MYRFL: variants seen among roughly 807,000 people sequenced by gnomAD.
MYRFL encodes the protein myelin regulatory factor-like protein.
MYRFL carries 88 observed loss-of-function variants against 109.4 expected under a neutral mutation model. The observed-to-expected ratio is 0.80, with a 90% confidence interval of 0.68 to 0.96. The LOEUF (loss-of-function observed/expected upper bound fraction) is 0.96, where lower values mean the gene tolerates loss of function less well. Among genes scored for constraint, MYRFL ranks in the 40% least tolerant of loss-of-function variants. The pLI, the probability that MYRFL is intolerant of heterozygous loss-of-function variation, is 0.00. For synonymous variants in MYRFL, 324 were observed against 320.9 expected (o/e 1.01, Z -0.10); for missense variants, 957 against 954.9 (o/e 1.00, Z -0.03).
intron 7 of MYRFL, 65 bp from the exon 8 acceptor site, chr12:69,893,699 C>A: frequency 9.5e-7 from 1 of 1,053,518 alleles, no homozygotes. Context: ...AGTACTTGAA[C>A]ATTCTTTGCT....
chr12:69,833,782 A>T (rs999214929), intron 1 of MYRFL, among the ~76,000 whole-genome samples: 3 of 147,870 alleles, frequency 2.0e-5, no homozygotes, highest in African/African-American at 7.4e-5. Flanking sequence ...ATCTATAGAG[A>T]TAGTTGTAGA....
At chr12:69,924,112 C>G (rs553083819) in intron 13 of MYRFL, among the ~76,000 whole-genome samples, 34 of 149,744 alleles carry the variant, frequency 2.3e-4, no homozygotes, top group Admixed American at 1.8e-3. Flanking sequence ...TGGTGTGAAC[C>G]CGGGAGGCAG....
chr12:69,884,081 T>C (rs1886303234), intron 5 of MYRFL, among the ~76,000 whole-genome samples: 1 of 152,182 alleles, frequency 6.6e-6, no homozygotes, highest in Non-Finnish European at 1.5e-5. Flanking sequence ...CTAGATCATT[T>C]TGTAAAGTAT....
At chr12:69,932,743 A>G (rs1443609497) in intron 16 of MYRFL, 145 bp downstream of exon 16, 1 of 614,298 alleles carries the variant, frequency 1.6e-6, no homozygotes, top group East Asian at 2.8e-5. Context: ...ATAGCATAGA[A>G]ATGAGGGAAC....
chr12:69,864,330 T>TG (rs1884879439), intron 2 of MYRFL, among the ~76,000 whole-genome samples: 1 of 151,344 alleles, frequency 6.6e-6, no homozygotes, highest in Non-Finnish European at 1.5e-5. Flanking sequence ...GCTCAGTTCA[T>TG]TTTTTTTTCA....
chr12:69,864,644 CACACACACACACACACACACACACAA>C (rs1375549152), intron 2 of MYRFL, among the ~76,000 whole-genome samples: 85 of 6,528 alleles, frequency 0.013, no homozygotes, highest in South Asian at 0.076. Flanking sequence ...GTTACACACA[CACACACACACACACACACACACACAA>C]ACACACACAC....
chr12:69,846,466 G>A (rs985681688), intron 1 of MYRFL, among the ~76,000 whole-genome samples: 7 of 151,540 alleles, frequency 4.6e-5, no homozygotes, highest in East Asian at 3.9e-4. Flanking sequence ...TTGTTCTTGC[G>A]ATAGTTCACT....
At chr12:69,859,759 G>A (rs1884521590) in intron 2 of MYRFL, among the ~76,000 whole-genome samples, 1 of 152,122 alleles carries the variant, frequency 6.6e-6, no homozygotes, top group Admixed American at 6.5e-5. Flanking sequence ...TCATTAAAAA[G>A]TCAGGAAACA....
intron 2 of MYRFL, among the ~76,000 whole-genome samples, chr12:69,876,904 T>G (rs1375593279): frequency 2.0e-5 from 3 of 152,158 alleles, no homozygotes; most frequent in African/African-American, 7.2e-5. Context: ...TACCACAGTT[T>G]CCCTGGGACC....
chr12:69,869,609 T>C (rs189189461), intron 2 of MYRFL, among the ~76,000 whole-genome samples: 4 of 152,354 alleles, frequency 2.6e-5, no homozygotes, highest in East Asian at 3.9e-4. Context: ...CAACTCTGTA[T>C]TGGGCACTGT....
chr12:69,945,442 G>A (rs1224112293), intron 19 of MYRFL, among the ~76,000 whole-genome samples: 1 of 152,088 alleles, frequency 6.6e-6, no homozygotes, highest in Non-Finnish European at 1.5e-5. Context: ...TGTTACAATT[G>A]CCAACAGTAT....
chr12:69,872,276 T>C (rs1450235529), intron 2 of MYRFL, among the ~76,000 whole-genome samples: 1 of 152,210 alleles, frequency 6.6e-6, no homozygotes, highest in Non-Finnish European at 1.5e-5. Context: ...TCAAGTGTTT[T>C]TGCAGGCAAA....
Position 69,936,063 on chromosome 12 carries a change from A to G in MYRFL, c.1917-50A>G, listed in dbSNP as rs1468040161. On this transcript the variant is annotated intron_variant, in intron 16 of 24. Transcript: ENST00000552032. ...GATGTGTGAGATATATCTGGAAACAAATCTGCCACATAATGTTTTTTTTTT... is the reference window on the plus strand; with the variant it reads ...GATGTGTGAGATATATCTGGAAACAGATCTGCCACATAATGTTTTTTTTTT... The G allele has an allele frequency of 2.7e-5, 41 of 1,502,002 alleles. No individual in the cohort carries two copies. The Admixed American group carries it at 7.7e-4, about 28-fold the overall frequency. The allele number at this position is 1,502,002 out of a possible 1,614,324, so 93.0% of individuals were successfully genotyped here.
At chr12:69,852,806 C>T (rs1375551684) in intron 1 of MYRFL, among the ~76,000 whole-genome samples, 1 of 151,908 alleles carries the variant, frequency 6.6e-6, no homozygotes, top group East Asian at 1.9e-4. Context: ...AGCGTGCTGC[C>T]TTCAAGCATC....
At chr12:69,884,010 G>A (rs1333930364) in intron 5 of MYRFL, among the ~76,000 whole-genome samples, 1 of 152,124 alleles carries the variant, frequency 6.6e-6, no homozygotes, top group Non-Finnish European at 1.5e-5. Context: ...GGGGAGGAGA[G>A]ACTAATTATT....
At chr12:69,894,618 C>T (rs1887111527) in intron 8 of MYRFL, among the ~76,000 whole-genome samples, 2 of 152,198 alleles carry the variant, frequency 1.3e-5, no homozygotes, top group South Asian at 4.1e-4. Flanking sequence ...ATGTTGATAG[C>T]TTGCTGAATG....
At chr12:69,939,005 C>T (rs1173447022) in intron 19 of MYRFL, among the ~76,000 whole-genome samples, 1 of 152,206 alleles carries the variant, frequency 6.6e-6, no homozygotes, top group African/African-American at 2.4e-5. Context: ...AATGGCGCAC[C>T]ACGAGATTAT....
In MYRFL at chr12:69,903,634, AT is replaced by A. The variant is rs1566013283; in HGVS notation, c.1183-5del. 1 of 1,535,474 alleles carries A rather than the reference AT, an allele frequency of 6.5e-7. No homozygotes were observed. Among genetic ancestry groups the A allele is most frequent in the East Asian group, 2.4e-5 (1 of 40,906 alleles). On this transcript the variant is annotated splice_polypyrimidine_tract_variant and intron_variant, in intron 10 of 24. Coordinates refer to ENST00000552032, the MANE Select transcript of MYRFL (RefSeq NM_182530.3). ...TACTTTAATTGTAATATATTTATGTATTTTTCCAGGCCTCTAACCCTGGGCA... is the reference window on the plus strand; with the variant it reads ...TACTTTAATTGTAATATATTTATGTATTTTCCAGGCCTCTAACCCTGGGCA...
At chr12:69,912,122 C>A (rs112063777) in intron 13 of MYRFL, among the ~76,000 whole-genome samples, 1 of 152,338 alleles carries the variant, frequency 6.6e-6, no homozygotes, top group East Asian at 1.9e-4. Context: ...GAGGCCTGCT[C>A]AGCCCAGGGC....
Sources: allele counts gnomAD v4.1 joint callset (sites outside exome capture counted in the v4.1 genomes callset), GRCh38; gene constraint gnomAD v4.1.1; transcripts MANE v1.5; gene names NCBI Gene and HGNC (gene_info 2026-07-23, HGNC 2026-07-21).